TMEM266: variants seen among roughly 807,000 people sequenced by gnomAD.
The protein encoded by TMEM266 is Hv1 related protein 1.
TMEM266 carries 33 observed loss-of-function variants against 50.5 expected under a neutral mutation model. The ratio of observed to expected loss-of-function variants is 0.65; its 90% CI spans 0.50 to 0.87. TMEM266 has a LOEUF of 0.87. Among genes scored for constraint, TMEM266 ranks in the 40% least tolerant of loss-of-function variants. The pLI is 0.00. For synonymous variants in TMEM266, 310 were observed against 292.3 expected (o/e 1.06, Z -0.62); for missense variants, 655 against 695.1 (o/e 0.94, Z 0.65).
chr15:76,175,674 G>T lies in TMEM266; in HGVS notation c.768G>T (p.Gly256=). 1.2e-6 allele frequency: 2 copies of T among 1,612,870 alleles called. No individual in the cohort carries two copies. Among genetic ancestry groups the T allele is most frequent in the South Asian group, 1.1e-5 (1 of 91,010 alleles). The change falls in exon 8 of 11, where the codon GGG becomes GGT. Residue 256 remains glycine (G), a splice_region_variant and synonymous_variant. Coordinates refer to ENST00000388942, the MANE Select transcript of TMEM266 (RefSeq NM_152335.3). ...TGACGCAGATCTGTCAGGAGCAAGG[G>T]GTAATGCACTGCCACTTTCGGCTCT... is the stretch of plus-strand genomic sequence containing the variant.
At chr15:76,102,292 G>T (rs1030050944) in intron 1 of TMEM266, among the ~76,000 whole-genome samples, 3 of 152,192 alleles carry the variant, frequency 2.0e-5, no homozygotes, top group African/African-American at 7.2e-5. Flanking sequence ...TAGTGGGGAA[G>T]ATCATAAATA....
intron 7 of TMEM266, among the ~76,000 whole-genome samples, chr15:76,171,447 T>C (rs1010766715): frequency 2.0e-5 from 3 of 152,342 alleles, no homozygotes; most frequent in Middle Eastern, 3.4e-3. Flanking sequence ...CCTGCCATTC[T>C]GGAAGGAGCA....
At position 76,196,285 on chromosome 15, in the gene TMEM266, CTG is replaced by C. The variant is rs759389386; in HGVS notation, c.958+4131_958+4132del. On this transcript the variant is annotated intron_variant, in intron 9 of 10. Transcript: ENST00000388942. ...GGTGTCTCCTGGGTACCTCCCGGCTCTGTGGATACTGCCTGCCCCAGCCTAGG... is the reference window on the plus strand; with the variant it reads ...GGTGTCTCCTGGGTACCTCCCGGCTCTGGATACTGCCTGCCCCAGCCTAGG... 6.6e-5 allele frequency among the ~76,000 whole-genome samples: 10 copies of C among 152,332 alleles called. No individual in the cohort carries two copies. The East Asian group carries it at 1.3e-3, about 21-fold the overall frequency.
At chr15:76,106,016 C>T (rs1013469102) in intron 1 of TMEM266, among the ~76,000 whole-genome samples, 3 of 152,178 alleles carry the variant, frequency 2.0e-5, no homozygotes, top group African/African-American at 7.2e-5. Context: ...TAAACTGCCA[C>T]CCTGTCTAGC....
At chr15:76,133,918 A>C (rs1476385903) in intron 1 of TMEM266, among the ~76,000 whole-genome samples, 2 of 152,220 alleles carry the variant, frequency 1.3e-5, no homozygotes, top group Non-Finnish European at 2.9e-5. Context: ...CCTGGGCACT[A>C]ACCTGGCTCT....
chr15:76,143,949 G>A (rs1294454383), intron 3 of TMEM266, among the ~76,000 whole-genome samples: 1 of 152,080 alleles, frequency 6.6e-6, no homozygotes, highest in Non-Finnish European at 1.5e-5. Flanking sequence ...GATCCCAAAC[G>A]TATCTCAGAA....
rs190232921 is a variant in TMEM266 at position 76,140,354 on chromosome 15, C to T, written c.227+2459C>T. Among the ~76,000 whole-genome samples, 7 of 152,370 alleles carry T rather than the reference C, an allele frequency of 4.6e-5. No individual in the cohort carries two copies. The East Asian group carries it at 1.4e-3, about 29-fold the overall frequency. On this transcript the variant is annotated intron_variant, in intron 3 of 10. Transcript: ENST00000388942. ...CCTCTCTCCGCGAGGCTTCTTGGCT[C>T]TTGCTGCATTTCCTGGGGTTTTCCC...
chr15:76,067,069 G>A (rs1027573366), intron 1 of TMEM266, among the ~76,000 whole-genome samples: 2 of 152,066 alleles, frequency 1.3e-5, no homozygotes, highest in Admixed American at 6.5e-5. Context: ...TTTGAGAACC[G>A]TTCTCCATAG....
At chr15:76,162,672 G>A (rs2038036468) in intron 5 of TMEM266, among the ~76,000 whole-genome samples, 1 of 152,214 alleles carries the variant, frequency 6.6e-6, no homozygotes, top group African/African-American at 2.4e-5. Context: ...ACCTAAGCTG[G>A]TCTCTTGCCC....
intron 8 of TMEM266, among the ~76,000 whole-genome samples, chr15:76,180,080 T>C (rs1179244645): frequency 3.3e-4 from 50 of 152,238 alleles, no homozygotes; most frequent in Admixed American, 3.3e-3. Flanking sequence ...AAATAAACTT[T>C]ATTTTTTAGA....
intron 1 of TMEM266, among the ~76,000 whole-genome samples, chr15:76,106,805 A>G (rs899299436): frequency 1.3e-5 from 2 of 152,230 alleles, no homozygotes; most frequent in South Asian, 2.1e-4. Flanking sequence ...GCTAATTATC[A>G]TATGCATTTA....
chr15:76,203,218 G>A (rs1283713466), intron 10 of TMEM266, among the ~76,000 whole-genome samples: 1 of 151,370 alleles, frequency 6.6e-6, no homozygotes, highest in East Asian at 1.9e-4. Flanking sequence ...CTCAGACCAT[G>A]GAACCCAAGT....
In TMEM266 at chr15:76,102,038, G is replaced by A. The variant is rs149401554; in HGVS notation, c.-96-32130G>A. On this transcript the variant is annotated intron_variant, in intron 1 of 10. Coordinates refer to ENST00000388942, the MANE Select transcript of TMEM266 (RefSeq NM_152335.3). ...AGTACTGGAAGAAGCCACCTGGGCT[G>A]GAGGGCTAGGTGATTGGGTGACCTG... Among the ~76,000 whole-genome samples, 472 of 152,332 alleles carry A rather than the reference G, an allele frequency of 3.1e-3. 4 individuals are homozygous for A. Among genetic ancestry groups the A allele is most frequent in the African/African-American group, 0.011 (455 of 41,568 alleles).
rs544486851 is a variant in TMEM266, at chr15:76,150,712, C to A, written c.228-5892C>A. On this transcript the variant is annotated intron_variant, in intron 3 of 10. Transcript: ENST00000388942. ...CAGCCCTCCCCATCCTGGCGCCACACGGCTCTACTTCCCCTTCCAGATTGG... is the reference window on the plus strand; with the variant it reads ...CAGCCCTCCCCATCCTGGCGCCACAAGGCTCTACTTCCCCTTCCAGATTGG... Among the ~76,000 whole-genome samples, 4 of 152,310 alleles carry A rather than the reference C, an allele frequency of 2.6e-5. No individual in the cohort carries two copies. In the South Asian group the frequency reaches 8.3e-4, roughly 32 times the overall value.
chr15:76,081,795 C>T (rs2036698534), intron 1 of TMEM266, among the ~76,000 whole-genome samples: 1 of 152,182 alleles, frequency 6.6e-6, no homozygotes, highest in South Asian at 2.1e-4. Flanking sequence ...CCACCATGAT[C>T]ATGGGGACAA....
intron 1 of TMEM266, among the ~76,000 whole-genome samples, chr15:76,072,799 A>G (rs1364118880): frequency 1.3e-5 from 2 of 151,390 alleles, no homozygotes; most frequent in Admixed American, 6.6e-5. Flanking sequence ...CACCATGCCC[A>G]GCTAATTTTT....
chr15:76,181,986 C>T (rs751084165), intron 8 of TMEM266, among the ~76,000 whole-genome samples: 3 of 152,148 alleles, frequency 2.0e-5, no homozygotes, highest in Non-Finnish European at 4.4e-5. Context: ...TTCCTCAGCA[C>T]CATTCACCCT....
At chr15:76,189,405 G>A (rs1442844309) in intron 8 of TMEM266, among the ~76,000 whole-genome samples, 2 of 151,606 alleles carry the variant, frequency 1.3e-5, no homozygotes, top group Non-Finnish European at 2.9e-5. Flanking sequence ...AGGAAGGAAG[G>A]CCTCTTTAAG....
intron 9 of TMEM266, among the ~76,000 whole-genome samples, chr15:76,197,766 C>A (rs74026406): frequency 6.6e-6 from 1 of 152,120 alleles, no homozygotes; most frequent in African/African-American, 2.4e-5. Flanking sequence ...ATGTGGTTGG[C>A]GCCCCATGCC....
Sources: gnomAD v4.1 joint callset for allele counts (sites outside exome capture counted in the v4.1 genomes callset) on GRCh38, gnomAD v4.1.1 for gene constraint, MANE v1.5 for transcripts, NCBI Gene and HGNC (gene_info 2026-07-23, HGNC 2026-07-21) for gene names.